NCAM1: variants seen among roughly 807,000 people sequenced by gnomAD.
NCAM1 encodes antigen recognized by monoclonal antibody 5.1H11.
In NCAM1, 14 loss-of-function variants were observed where a neutral mutation model predicts 109.8. The ratio of observed to expected loss-of-function variants is 0.13; its 90% confidence interval spans 0.08 to 0.20. NCAM1 has a LOEUF of 0.20. Ranked by LOEUF, NCAM1 falls within the 10% of genes least tolerant of loss-of-function variation. NCAM1 has a pLI of 1.00. For missense variants in NCAM1, 774 were observed against 1,109.9 expected (o/e 0.70, Z 4.30); for synonymous variants, 418 against 442.9 (o/e 0.94, Z 0.70).
chr11:113,183,490 G>A (rs2136616571), intron 1 of NCAM1, among the ~76,000 whole-genome samples: 1 of 152,322 alleles, frequency 6.6e-6, no homozygotes, highest in Middle Eastern at 3.4e-3. Flanking sequence ...GCATTTATTA[G>A]AACCTGCTGG....
Position 113,232,729 on chromosome 11 carries a change from C to T in NCAM1, c.1437C>T (p.Asp479=). ...TCTTCCTTCTAAAGGTGACCCCAGACTCTGAGAATGATTTTGGGAACTACA... is the reference window on the plus strand; with the variant it reads ...TCTTCCTTCTAAAGGTGACCCCAGATTCTGAGAATGATTTTGGGAACTACA... The part of the protein sequence containing the change: ...PSASYLEVTP[D]SENDFGNYNC... Residue 479 remains aspartate (D), a synonymous_variant, in exon 12 of 20, where the codon GAC becomes GAT. Transcript: ENST00000316851. The T allele has an allele frequency of 6.2e-7, 1 of 1,613,418 alleles. No individual in the cohort carries two copies. Among genetic ancestry groups the T allele is most frequent in the Non-Finnish European group, 8.5e-7 (1 of 1,179,340 alleles).
chr11:113,181,097 G>C (rs1591392671), intron 1 of NCAM1, among the ~76,000 whole-genome samples: 1 of 152,222 alleles, frequency 6.6e-6, no homozygotes, highest in East Asian at 1.9e-4. Flanking sequence ...CATGTTCTCA[G>C]TTTCACTAAA....
chr11:113,276,028 C>G lies in NCAM1; in HGVS notation c.*641C>G, dbSNP rs1456851216. 1 of 152,608 alleles carries G rather than the reference C, an allele frequency of 6.6e-6. No homozygotes were observed. Among genetic ancestry groups the G allele is most frequent in the Non-Finnish European group, 1.5e-5 (1 of 68,038 alleles). The allele number at this position is 152,608 out of a possible 1,614,324, so 9.5% of individuals were successfully genotyped here. The stretch of plus-strand genomic sequence containing the variant: ...AATTGCAGCTTCTGGGGGTAGATCT[C>G]AATTTGCAGTATTCAGACTTCTTTT... On this transcript the variant is annotated 3_prime_UTR_variant, in exon 20 of 20. Coordinates refer to ENST00000316851, the MANE Select transcript of NCAM1 (RefSeq NM_181351.5).
At chr11:112,965,700 A>G (rs1207048987) in intron 1 of NCAM1, among the ~76,000 whole-genome samples, 1 of 152,188 alleles carries the variant, frequency 6.6e-6, no homozygotes, top group Admixed American at 6.5e-5. Context: ...AGTTTGATAA[A>G]TTTCTCATAA....
At chr11:112,991,982 AT>A (rs1393621124) in intron 1 of NCAM1, among the ~76,000 whole-genome samples, 2 of 151,988 alleles carry the variant, frequency 1.3e-5, no homozygotes, top group African/African-American at 4.8e-5. Context: ...TTTTTATATT[AT>A]TTTTATTGTT....
rs1172512282 is a variant in NCAM1, at chr11:113,208,137, C to A, written c.916+135C>A. ...CAACCATTTCTTGCCAGTTCCACCACCTAGTCCAAGCCCTAGTCCAAGCCA... is the reference window on the plus strand; with the variant it reads ...CAACCATTTCTTGCCAGTTCCACCAACTAGTCCAAGCCCTAGTCCAAGCCA... On this transcript the variant is annotated intron_variant, in intron 7 of 19. Transcript: ENST00000316851. The A allele has an allele frequency of 6.6e-6, 7 of 1,066,424 alleles. No homozygotes were observed. The African/African-American group carries it at 1.1e-4, about 17-fold the overall frequency. The allele number at this position is 1,066,424 out of a possible 1,614,324, so 66.1% of individuals were successfully genotyped here.
chr11:113,142,753 G>A (rs1555100699), intron 1 of NCAM1, among the ~76,000 whole-genome samples: 1 of 152,138 alleles, frequency 6.6e-6, no homozygotes, highest in African/African-American at 2.4e-5. Flanking sequence ...GGAAACAGTG[G>A]CTTTCTGTTC....
At chr11:113,066,961 G>A (rs535716832) in intron 1 of NCAM1, among the ~76,000 whole-genome samples, 3 of 132,418 alleles carry the variant, frequency 2.3e-5, no homozygotes, top group East Asian at 2.2e-4. Context: ...CCGAGATCCC[G>A]CCACTGCACT....
chr11:113,171,531 G>A (rs977792149), intron 1 of NCAM1, among the ~76,000 whole-genome samples: 1 of 152,138 alleles, frequency 6.6e-6, no homozygotes, highest in Non-Finnish European at 1.5e-5. Flanking sequence ...TACTCAGGAG[G>A]CTGAGGCAGG....
chr11:113,261,825 G>A (rs191000406), intron 17 of NCAM1, among the ~76,000 whole-genome samples: 157 of 152,272 alleles, frequency 1.0e-3, no homozygotes, highest in African/African-American at 3.7e-3. Flanking sequence ...TCACTGGGTA[G>A]GCTGTTTGGA....
intron 13 of NCAM1, among the ~76,000 whole-genome samples, chr11:113,234,507 A>G (rs1407809238): frequency 1.3e-5 from 2 of 152,176 alleles, no homozygotes; most frequent in African/African-American, 2.4e-5. Flanking sequence ...GTAGTTGGCT[A>G]TTCTAAGTAC....
rs535405513 is a variant in NCAM1 at position 113,118,207 on chromosome 11, T to C, written c.53-84172T>C. ...GTACTTAGAATCTAAAAATAAGATGTTAAATCTTTTTACTCTTTTGTGCTC... is the reference window on the plus strand; with the variant it reads ...GTACTTAGAATCTAAAAATAAGATGCTAAATCTTTTTACTCTTTTGTGCTC... On this transcript the variant is annotated intron_variant, in intron 1 of 19. Coordinates refer to ENST00000316851, the MANE Select transcript of NCAM1 (RefSeq NM_181351.5). 3.9e-5 allele frequency among the ~76,000 whole-genome samples: 6 copies of C among 152,046 alleles called. No homozygotes were observed. The South Asian group carries it at 8.3e-4, about 21-fold the overall frequency.
At chr11:113,100,738 G>T (rs1555091364) in intron 1 of NCAM1, among the ~76,000 whole-genome samples, 1 of 152,094 alleles carries the variant, frequency 6.6e-6, no homozygotes, top group Non-Finnish European at 1.5e-5. Context: ...TGGGGGGGTG[G>T]GTGGCACGTG....
At chr11:113,095,557 A>G (rs1939558489) in intron 1 of NCAM1, among the ~76,000 whole-genome samples, 1 of 152,220 alleles carries the variant, frequency 6.6e-6, no homozygotes, top group Non-Finnish European at 1.5e-5. Flanking sequence ...ATACTAGGGA[A>G]GCCATGGGGG....
intron 7 of NCAM1, among the ~76,000 whole-genome samples, chr11:113,212,041 A>G (rs999376040): frequency 3.9e-5 from 6 of 152,204 alleles, no homozygotes; most frequent in African/African-American, 1.4e-4. Flanking sequence ...ATCCCTCTAG[A>G]TGCTGGAAGG....
At chr11:113,231,509 C>T in intron 9 of NCAM1, 136 bp from the exon 10 acceptor site, 1 of 989,744 alleles carries the variant, frequency 1.0e-6, no homozygotes. Flanking sequence ...GCCATTGACA[C>T]AGAGAGGAGA....
chr11:113,104,782 G>A (rs1333323566), intron 1 of NCAM1, among the ~76,000 whole-genome samples: 3 of 152,186 alleles, frequency 2.0e-5, no homozygotes, highest in Non-Finnish European at 2.9e-5. Flanking sequence ...TTACTTGAGG[G>A]TGAAGAAGTT....
intron 2 of NCAM1, among the ~76,000 whole-genome samples, chr11:113,203,441 G>C (rs1008675795): frequency 6.6e-6 from 1 of 152,268 alleles, no homozygotes; most frequent in Non-Finnish European, 1.5e-5. Context: ...TGCAGGGCTG[G>C]GTGGTGCAGG....
chr11:113,067,003 CAAAAAA>C (rs34002848), intron 1 of NCAM1, among the ~76,000 whole-genome samples: 1 of 103,700 alleles, frequency 9.6e-6, no homozygotes, highest in African/African-American at 3.8e-5. Flanking sequence ...GAACCCCTCT[CAAAAAA>C]AAAAAAAAAA....
Sources: gnomAD v4.1 joint callset for allele counts (sites outside exome capture counted in the v4.1 genomes callset) on GRCh38, gnomAD v4.1.1 for gene constraint, MANE v1.5 for transcripts, NCBI Gene and HGNC (gene_info 2026-07-23, HGNC 2026-07-21) for gene names.